The following CNBD1 variants were observed in gnomAD, a reference collection of about 807,000 sequenced individuals.
CNBD1 encodes cyclic nucleotide-binding domain-containing protein 1.
In CNBD1, 71 loss-of-function variants were observed where a neutral mutation model predicts 54.4. The ratio of observed to expected loss-of-function variants is 1.30; its 90% CI spans 1.08 to 1.59. CNBD1 has a LOEUF of 1.59. Ranked by LOEUF, CNBD1 falls within the 40% of genes most tolerant of loss-of-function variation. CNBD1 has a pLI of 0.00. For synonymous variants in CNBD1, 182 were observed against 170.7 expected, an observed-to-expected ratio of 1.07 and a Z score of -0.51; for missense variants, 659 against 518.0, an observed-to-expected ratio of 1.27 and a Z score of -2.64.
chr8:87,395,909 C>T (rs954938296), intron 2 of CNBD1, among the ~76,000 whole-genome samples: 5 of 151,880 alleles, frequency 3.3e-5, no homozygotes, highest in Admixed American at 6.6e-5. Context: ...TCTCCTCCTT[C>T]GCTCAGTACC....
chr8:87,321,688 A>C (rs1468028476), intron 8 of CNBD1, among the ~76,000 whole-genome samples: 1 of 151,850 alleles, frequency 6.6e-6, no homozygotes, highest in African/African-American at 2.4e-5. Context: ...AAAACTTTTT[A>C]ATTTGATATA....
At chr8:87,299,728 G>C (rs190439680) in intron 8 of CNBD1, among the ~76,000 whole-genome samples, 3 of 152,280 alleles carry the variant, frequency 2.0e-5, no homozygotes, top group East Asian at 3.9e-4. Context: ...TGTCACCTGG[G>C]TGTATGTTAG....
intron 8 of CNBD1, among the ~76,000 whole-genome samples, chr8:87,327,393 C>T (rs1480068377): frequency 6.6e-6 from 1 of 151,862 alleles, no homozygotes; most frequent in African/African-American, 2.4e-5. Context: ...GTGGGCGCCC[C>T]TCCCCCACCC....
intron 6 of CNBD1, among the ~76,000 whole-genome samples, chr8:87,266,438 CTTTTTTTTTTTTTTTTT>C (rs72293236): frequency 1.4e-4 from 7 of 50,120 alleles, no homozygotes; most frequent in Non-Finnish European, 1.3e-4. Context: ...AAAAAAAAAT[CTTTTTTTTTTTTTTTTT>C]TTTTTTTTTT....
chr8:87,034,019 A>G (rs1437563222), intron 4 of CNBD1, among the ~76,000 whole-genome samples: 1 of 152,200 alleles, frequency 6.6e-6, no homozygotes, highest in Non-Finnish European at 1.5e-5. Flanking sequence ...TTTTAATATG[A>G]TATAAAAAGG....
At chr8:87,316,408 G>A (rs940311229) in intron 8 of CNBD1, among the ~76,000 whole-genome samples, 3 of 151,906 alleles carry the variant, frequency 2.0e-5, no homozygotes, top group Non-Finnish European at 4.4e-5. Context: ...ATTAATGTAT[G>A]AAATTTTCCT....
At chr8:87,211,174 C>CT (rs1344751413) in intron 5 of CNBD1, among the ~76,000 whole-genome samples, 1 of 152,176 alleles carries the variant, frequency 6.6e-6, no homozygotes, top group Non-Finnish European at 1.5e-5. Flanking sequence ...TAGCCTCTTT[C>CT]TTTTGGTCAA....
intron 4 of CNBD1, among the ~76,000 whole-genome samples, chr8:87,203,555 C>A (rs891583003): frequency 1.3e-5 from 2 of 152,062 alleles, no homozygotes; most frequent in African/African-American, 4.8e-5. Context: ...TAGAAGGAAC[C>A]CATTTTTGAA....
chr8:86,942,352 G>T (rs1807340718), intron 4 of CNBD1, among the ~76,000 whole-genome samples: 1 of 152,126 alleles, frequency 6.6e-6, no homozygotes, highest in Non-Finnish European at 1.5e-5. Flanking sequence ...ATCTCTCAGG[G>T]TGAGGTTTAT....
chr8:86,925,784 C>T (rs762045900), intron 3 of CNBD1, among the ~76,000 whole-genome samples: 16 of 148,720 alleles, frequency 1.1e-4, no homozygotes, highest in Non-Finnish European at 2.1e-4. Context: ...ACCTGTAATC[C>T]TGTGTCTGGA....
chr8:86,883,365 G>C (rs1808632384), intron 1 of CNBD1, among the ~76,000 whole-genome samples: 1 of 152,124 alleles, frequency 6.6e-6, no homozygotes, highest in Non-Finnish European at 1.5e-5. Flanking sequence ...TATTAGTGGA[G>C]CACTGGTTAG....
chr8:87,358,052 T>G (rs1453498067), intron 10 of CNBD1, among the ~76,000 whole-genome samples: 3 of 152,148 alleles, frequency 2.0e-5, no homozygotes, highest in Non-Finnish European at 2.9e-5. Context: ...CTTCTCTGCC[T>G]TCCACCATGA....
chr8:87,158,905 A>G (rs551815183), intron 4 of CNBD1, among the ~76,000 whole-genome samples: 2 of 152,312 alleles, frequency 1.3e-5, no homozygotes, highest in East Asian at 3.9e-4. Flanking sequence ...GCAGAAAATA[A>G]CATATCTCAT....
Position 87,182,128 on chromosome 8 carries a change from A to G in CNBD1, c.432-23865A>G, listed in dbSNP as rs1177034482. On this transcript the variant is annotated intron_variant, in intron 4 of 10. Transcript: ENST00000518476. The surrounding 1 kb of genome is among the most constrained non-coding windows in gnomAD (Gnocchi z 4.1). ...TGTACTCAATATTTAGTTCCCATTTATAAATGAGAACTGTGGTATTTGGAT... is the reference window on the plus strand; with the variant it reads ...TGTACTCAATATTTAGTTCCCATTTGTAAATGAGAACTGTGGTATTTGGAT... Among the ~76,000 whole-genome samples the G allele has an allele frequency of 1.3e-5, 2 of 152,174 alleles. No homozygotes were observed. Among genetic ancestry groups the G allele is most frequent in the African/African-American group, 4.8e-5 (2 of 41,442 alleles).
intron 2 of CNBD1, among the ~76,000 whole-genome samples, chr8:87,420,272 ATTC>A (rs1012071854): frequency 2.2e-4 from 33 of 152,092 alleles, no homozygotes; most frequent in African/African-American, 7.0e-4. Flanking sequence ...TCTTGAGGGC[ATTC>A]TTCTTTAGGA....
At chr8:87,378,703 A>G (rs1586063353) in intron 10 of CNBD1, among the ~76,000 whole-genome samples, 1 of 151,036 alleles carries the variant, frequency 6.6e-6, no homozygotes, top group African/African-American at 2.5e-5. Flanking sequence ...AGGCATTGGT[A>G]GCTTGATGGA....
At chr8:87,373,767 A>C (rs751051713) in intron 10 of CNBD1, among the ~76,000 whole-genome samples, 2 of 151,814 alleles carry the variant, frequency 1.3e-5, no homozygotes, top group Non-Finnish European at 2.9e-5. Context: ...ATATGAAGAA[A>C]AAGTGTATTT....
chr8:87,146,602 G>T (rs558231817), intron 4 of CNBD1, among the ~76,000 whole-genome samples: 1 of 152,164 alleles, frequency 6.6e-6, no homozygotes, highest in Non-Finnish European at 1.5e-5. Context: ...TCTCCATTTG[G>T]TGAGCAGTGC....
intron 4 of CNBD1, among the ~76,000 whole-genome samples, chr8:86,953,000 T>A (rs2130451427): frequency 6.6e-6 from 1 of 152,354 alleles, no homozygotes; most frequent in East Asian, 1.9e-4. Flanking sequence ...TATTATTTTT[T>A]AGTCTAGCGT....
Sources: gnomAD v4.1 joint callset for allele counts (sites outside exome capture counted in the v4.1 genomes callset) on GRCh38, gnomAD v4.1.1 for gene constraint, Gnocchi (gnomAD v3.1) non-coding constraint, MANE v1.5 for transcripts, NCBI Gene and HGNC (gene_info 2026-07-23, HGNC 2026-07-21) for gene names.